The following NRXN3 variants were observed in gnomAD, a reference collection of about 807,000 sequenced individuals.
NRXN3 encodes neurexin III.
In NRXN3, 32 loss-of-function variants were observed where a neutral mutation model predicts 137.6. The observed-to-expected ratio is 0.23, with a 90% CI of 0.18 to 0.31. The LOEUF (loss-of-function observed/expected upper bound fraction) is 0.31. NRXN3 is among the 10% of genes least tolerant of loss of function. The pLI, the probability that NRXN3 is intolerant of heterozygous loss-of-function variation, is 1.00. For synonymous variants in NRXN3, 798 were observed against 784.5 expected, an observed-to-expected ratio of 1.02 and a Z score of -0.29; for missense variants, 1,574 against 2,062.5, an observed-to-expected ratio of 0.76 and a Z score of 4.59.
intron 1 of NRXN3, among the ~76,000 whole-genome samples, chr14:78,190,613 T>A (rs2060626098): frequency 1.1e-5 from 1 of 91,032 alleles, no homozygotes; most frequent in Non-Finnish European, 2.3e-5. Flanking sequence ...TCAGTAACAT[T>A]TATTTATTTA....
At chr14:78,731,683 ATATAT>A (rs2098516433) in intron 8 of NRXN3, among the ~76,000 whole-genome samples, 1 of 151,456 alleles carries the variant, frequency 6.6e-6, no homozygotes, top group South Asian at 2.1e-4. Context: ...TTGTGAATAC[ATATAT>A]TCTATTCTAT....
chr14:79,522,189 G>T (rs778188297), intron 16 of NRXN3, among the ~76,000 whole-genome samples: 9 of 152,270 alleles, frequency 5.9e-5, no homozygotes, highest in Non-Finnish European at 1.2e-4. Flanking sequence ...AGGGGAAAAG[G>T]TAGACACAAG....
intron 19 of NRXN3, among the ~76,000 whole-genome samples, chr14:79,739,782 T>C (rs550395747): frequency 2.7e-5 from 4 of 150,762 alleles, no homozygotes; most frequent in South Asian, 2.2e-4. Context: ...GGCATTCTCA[T>C]AGGGGCAAGC....
chr14:78,987,172 T>G (rs2099508674), intron 14 of NRXN3, among the ~76,000 whole-genome samples: 1 of 152,168 alleles, frequency 6.6e-6, no homozygotes, highest in Non-Finnish European at 1.5e-5. Flanking sequence ...AGTTTCTAAT[T>G]CAATGGGTCT....
chr14:79,056,650 T>C (rs922950529), intron 15 of NRXN3, among the ~76,000 whole-genome samples: 2 of 152,194 alleles, frequency 1.3e-5, no homozygotes, highest in Non-Finnish European at 2.9e-5. Flanking sequence ...ACAGAACCTT[T>C]AGATCTTATG....
chr14:79,756,004 C>A (rs748558256), intron 19 of NRXN3, among the ~76,000 whole-genome samples: 1 of 152,134 alleles, frequency 6.6e-6, no homozygotes, highest in Non-Finnish European at 1.5e-5. Context: ...TTTCTGGCTT[C>A]TACCTCCAGA....
intron 4 of NRXN3, among the ~76,000 whole-genome samples, chr14:78,597,945 A>G (rs984794172): frequency 6.6e-6 from 1 of 152,200 alleles, no homozygotes; most frequent in Non-Finnish European, 1.5e-5. Flanking sequence ...TGCCAGCACC[A>G]TCAGGATTAA....
At chr14:79,328,314 A>T (rs2091205018) in intron 15 of NRXN3, among the ~76,000 whole-genome samples, 1 of 152,204 alleles carries the variant, frequency 6.6e-6, no homozygotes, top group Non-Finnish European at 1.5e-5. Flanking sequence ...AGGAGGAGCT[A>T]AAGTTTTGAT....
intron 20 of NRXN3, among the ~76,000 whole-genome samples, chr14:79,827,262 A>G (rs2141167418): frequency 6.6e-6 from 1 of 152,302 alleles, no homozygotes; most frequent in South Asian, 2.1e-4. Flanking sequence ...GGTGCTAGGA[A>G]TGTAGAGAAG....
chr14:79,368,243 G>A (rs1338963673), intron 15 of NRXN3, among the ~76,000 whole-genome samples: 5 of 152,160 alleles, frequency 3.3e-5, no homozygotes, highest in Admixed American at 3.3e-4. Flanking sequence ...TATGGAATGA[G>A]AATATATGAA....
intron 16 of NRXN3, among the ~76,000 whole-genome samples, chr14:79,651,112 T>A (rs1476086011): frequency 1.3e-5 from 2 of 152,200 alleles, no homozygotes; most frequent in African/African-American, 2.4e-5. Context: ...GACTTCAATT[T>A]GAGTCTAATC....
In NRXN3 at chr14:78,968,339, C is replaced by G. The variant is rs1334699237; in HGVS notation, c.3135C>G (p.Gly1045=). 6.2e-7 allele frequency: 1 copy of G among 1,613,274 alleles called. No homozygotes were observed. Among genetic ancestry groups the G allele is most frequent in the South Asian group, 1.1e-5 (1 of 91,006 alleles). The part of the protein sequence containing the change: ...ALHRSGQIER[G]CEGPSTTCQE... ...ATCGGAGCGGACAGATCGAGCGTGGCTGTGAAGGTACAACCTATTTTTTTC... is the reference window on the plus strand; with the variant it reads ...ATCGGAGCGGACAGATCGAGCGTGGGTGTGAAGGTACAACCTATTTTTTTC... Residue 1045 remains glycine (G), a synonymous_variant, in exon 14 of 21, where the codon GGC becomes GGG. Coordinates refer to ENST00000335750, the MANE Select transcript of NRXN3 (RefSeq NM_001330195.2).
intron 8 of NRXN3, among the ~76,000 whole-genome samples, chr14:78,728,727 T>C (rs541764179): frequency 6.6e-6 from 1 of 152,020 alleles, no homozygotes; most frequent in Non-Finnish European, 1.5e-5. Context: ...GAAAACCCCG[T>C]CTCTACTAAA....
intron 20 of NRXN3, among the ~76,000 whole-genome samples, chr14:79,848,127 A>G (rs770749910): frequency 1.3e-5 from 2 of 152,192 alleles, no homozygotes; most frequent in Admixed American, 6.5e-5. Flanking sequence ...TTTATAAAGT[A>G]TATGTGTGTA....
chr14:78,595,868 T>C (rs1252724422), intron 4 of NRXN3, among the ~76,000 whole-genome samples: 1 of 152,142 alleles, frequency 6.6e-6, no homozygotes. Flanking sequence ...GAGAGAGAGA[T>C]ATTGAGACAG....
intron 15 of NRXN3, among the ~76,000 whole-genome samples, chr14:79,289,713 T>C (rs2082854191): frequency 6.6e-6 from 1 of 152,184 alleles, no homozygotes; most frequent in Admixed American, 6.5e-5. Flanking sequence ...AGGCTTCCTT[T>C]GTATAGGAAA....
chr14:79,668,293 TTATAAAACATTG>T (rs1242011502), intron 17 of NRXN3, among the ~76,000 whole-genome samples: 1 of 152,134 alleles, frequency 6.6e-6, no homozygotes, highest in Non-Finnish European at 1.5e-5. Context: ...GCTATGGTAC[TTATAAAACATTG>T]CTATAGTACT....
chr14:78,408,809 A>G (rs1261698869), intron 4 of NRXN3, among the ~76,000 whole-genome samples: 1 of 152,230 alleles, frequency 6.6e-6, no homozygotes, highest in African/African-American at 2.4e-5. Flanking sequence ...GAAACACTTG[A>G]AGGCAAAGTC....
chr14:78,214,879 G>C (rs2063101614), intron 1 of NRXN3, among the ~76,000 whole-genome samples: 1 of 152,174 alleles, frequency 6.6e-6, no homozygotes, highest in Non-Finnish European at 1.5e-5. Flanking sequence ...CGTGGTCACG[G>C]AGCATGAGAT....
Sources: allele counts gnomAD v4.1 joint callset (sites outside exome capture counted in the v4.1 genomes callset), GRCh38; gene constraint gnomAD v4.1.1; transcripts MANE v1.5; gene names NCBI Gene and HGNC (gene_info 2026-07-23, HGNC 2026-07-21).